Variants in TMEM168 observed in about 807,000 individuals in gnomAD.
TMEM168 encodes transmembrane protein 168.
TMEM168 carries 40 observed loss-of-function variants against 53.2 expected under a neutral mutation model. That is an observed-to-expected ratio of 0.75 (90% confidence interval 0.58 to 0.98). TMEM168 has a LOEUF of 0.98. TMEM168 is among the 50% of genes least tolerant of loss of function. The probability of loss-of-function intolerance (pLI) is 0.00; values close to 1 mark genes in which losing one functional copy is unlikely to be tolerated. For missense variants in TMEM168, 771 were observed against 828.8 expected, an observed-to-expected ratio of 0.93 and a Z score of 0.86; for synonymous variants, 282 against 293.0, an observed-to-expected ratio of 0.96 and a Z score of 0.38.
chr7:112,773,067 G>A lies in TMEM168; in HGVS notation c.1272-12C>T, dbSNP rs1237704094. 6.4e-7 allele frequency: 1 copy of A among 1,574,570 alleles called. No homozygotes were observed. The highest frequency in any genetic ancestry group is 1.8e-5 in the Admixed American group (1 of 55,318). ...GCTGACCATCAGGACTGAAGTAGGA[G>A]AAAAAACAAGAAGTACTCATTCTAT... On this transcript the variant is annotated splice_polypyrimidine_tract_variant and intron_variant, in intron 3 of 4. Coordinates refer to ENST00000312814, the MANE Select transcript of TMEM168 (RefSeq NM_022484.6).
chr7:112,772,559 A>AT (rs1186947895), intron 4 of TMEM168, among the ~76,000 whole-genome samples: 1 of 152,176 alleles, frequency 6.6e-6, no homozygotes, highest in Non-Finnish European at 1.5e-5. Context: ...GTCTCAAAGC[A>AT]TTTTTTTCCT....
rs537375032 is a variant in TMEM168 at position 112,790,188 on chromosome 7, C to T, written c.-157G>A. On this transcript the variant is annotated 5_prime_UTR_variant, in exon 1 of 5. Coordinates refer to ENST00000312814, the MANE Select transcript of TMEM168 (RefSeq NM_022484.6). Reference sequence around the variant, plus strand: ...ACTCGGCCGTCGCCACCAACGCGCTCTCCCAACCCTCGGAGTCAGTTCCAA... The same window carrying T: ...ACTCGGCCGTCGCCACCAACGCGCTTTCCCAACCCTCGGAGTCAGTTCCAA... 530 of 153,130 alleles carry T rather than the reference C, an allele frequency of 3.5e-3. 2 individuals carry two copies. The highest frequency in any genetic ancestry group is 6.7e-3 in the Middle Eastern group (2 of 298). The allele number at this position is 153,130 out of a possible 1,614,324, so 9.5% of individuals were successfully genotyped here.
Position 112,763,721 on chromosome 7 carries a change from G to T in TMEM168, c.*3476C>A, listed in dbSNP as rs1216628508. On this transcript the variant is annotated 3_prime_UTR_variant, in exon 5 of 5. Transcript: ENST00000312814. ...AAATTTGAATACATATAAAAAAGCA[G>T]TACCCAAGAGTAAATATGTTTGAGC... The T allele has an allele frequency of 1.3e-5, 2 of 151,986 alleles. No homozygotes were observed. The highest frequency in any genetic ancestry group is 1.3e-4 in the Admixed American group (2 of 15,244). The allele number at this position is 151,986 out of a possible 1,614,324, so 9.4% of individuals were successfully genotyped here.
In TMEM168 at chr7:112,764,251, G is replaced by T. The variant is rs1223714011; in HGVS notation, c.*2946C>A. 1 of 151,784 alleles carries T rather than the reference G, an allele frequency of 6.6e-6. No individual in the cohort carries two copies. Among genetic ancestry groups the T allele is most frequent in the Non-Finnish European group, 1.5e-5 (1 of 67,898 alleles). 9.4% of individuals were successfully genotyped at this position (151,784 alleles called of 1,614,324 possible). Reference sequence around the variant, plus strand: ...CTAGTGGTTTTGTGGTTTTAGCAAGGTATCACATGAGGAAACAAATACTAA... The same window carrying T: ...CTAGTGGTTTTGTGGTTTTAGCAAGTTATCACATGAGGAAACAAATACTAA... On this transcript the variant is annotated 3_prime_UTR_variant, in exon 5 of 5. Transcript: ENST00000312814.
At chr7:112,788,976 A>G (rs1042450834) in intron 1 of TMEM168, among the ~76,000 whole-genome samples, 1 of 152,134 alleles carries the variant, frequency 6.6e-6, no homozygotes, top group Non-Finnish European at 1.5e-5. Flanking sequence ...CCTTAGCAAT[A>G]AAGTCAAAAC....
intron 2 of TMEM168, among the ~76,000 whole-genome samples, chr7:112,783,433 C>T (rs1793283001): frequency 6.6e-6 from 1 of 152,144 alleles, no homozygotes; most frequent in African/African-American, 2.4e-5. Context: ...ACTCTTTAAT[C>T]GATGAGTGTT....
intron 4 of TMEM168, among the ~76,000 whole-genome samples, chr7:112,769,232 T>C (rs1368584765): frequency 2.6e-5 from 4 of 152,218 alleles, no homozygotes; most frequent in African/African-American, 9.6e-5. Context: ...AAATAAACTT[T>C]TTTTATTAAT....
At chr7:112,789,487 G>A (rs1173815708) in intron 1 of TMEM168, among the ~76,000 whole-genome samples, 1 of 152,194 alleles carries the variant, frequency 6.6e-6, no homozygotes, top group Non-Finnish European at 1.5e-5. Flanking sequence ...AGAGAATACA[G>A]AACTTAGCTA....
rs1378741753 is a variant in TMEM168, at chr7:112,790,344, T to C, written c.-313A>G. 6.6e-6 allele frequency: 1 copy of C among 152,252 alleles called. No homozygotes were observed. The highest frequency in any genetic ancestry group is 1.5e-5 in the Non-Finnish European group (1 of 68,088). The allele number at this position is 152,252 out of a possible 1,614,324, so 9.4% of individuals were successfully genotyped here. ...CAGGCCAGTGTCGGCGTAAACTTTC[T>C]CCGTTACCGGCCCGGCCGCGACCGC... is the stretch of plus-strand genomic sequence containing the variant. On this transcript the variant is annotated 5_prime_UTR_variant, in exon 1 of 5. Transcript: ENST00000312814.
At chr7:112,774,694 C>T (rs1358618561) in intron 3 of TMEM168, among the ~76,000 whole-genome samples, 1 of 152,062 alleles carries the variant, frequency 6.6e-6, no homozygotes, top group African/African-American at 2.4e-5. Flanking sequence ...GACTCTCCTG[C>T]CTCAGCCTCC....
chr7:112,777,375 T>A (rs961522033), intron 2 of TMEM168, among the ~76,000 whole-genome samples: 5 of 152,198 alleles, frequency 3.3e-5, no homozygotes, highest in Non-Finnish European at 7.4e-5. Context: ...CCACTCCACA[T>A]TACAGTGCCA....
chr7:112,775,178 G>A lies in TMEM168; in HGVS notation c.1269C>T (p.Cys423=), dbSNP rs1204626813. 1 of 1,605,244 alleles carries A rather than the reference G, an allele frequency of 6.2e-7. No homozygotes were observed. The change falls in exon 3 of 5, where the codon TGC becomes TGT. Residue 423 remains cysteine (C), a splice_region_variant and synonymous_variant. Coordinates refer to ENST00000312814, the MANE Select transcript of TMEM168 (RefSeq NM_022484.6). ...GYAIVIPTNF[C]SPDGQPTLLP... ...CTAACTATACTAGATTACTGTACCT[G>A]CAGAAGTTGGTGGGAATCACAATAG...
rs149099126 is a variant in TMEM168 at position 112,763,109 on chromosome 7, C to T, written c.*4088G>A. On this transcript the variant is annotated 3_prime_UTR_variant, in exon 5 of 5. Coordinates refer to ENST00000312814, the MANE Select transcript of TMEM168 (RefSeq NM_022484.6). ...GATTCAATCTTAATGATATTAGAGTCATGATGGAAATGGACTCAACTCACA... is the reference window on the plus strand; with the variant it reads ...GATTCAATCTTAATGATATTAGAGTTATGATGGAAATGGACTCAACTCACA... The T allele has an allele frequency of 1.8e-3, 268 of 152,068 alleles. 2 individuals are homozygous for T. Among genetic ancestry groups the T allele is most frequent in the Middle Eastern group, 6.8e-3 (2 of 294 alleles). The allele number at this position is 152,068 out of a possible 1,614,324, so 9.4% of individuals were successfully genotyped here.
Position 112,775,320 on chromosome 7 carries a change from TA to T in TMEM168, c.1129-3del, listed in dbSNP as rs1224832551. ...GCTCAAGAAAATTCCATTTGTTGGCTAAAAGAAATCCAAAACATGTTTACAT... is the reference window on the plus strand; with the variant it reads ...GCTCAAGAAAATTCCATTTGTTGGCTAAAGAAATCCAAAACATGTTTACAT... On this transcript the variant is annotated splice_region_variant and splice_polypyrimidine_tract_variant and intron_variant, in intron 2 of 4. Transcript: ENST00000312814. 1 of 1,612,002 alleles carries T rather than the reference TA, an allele frequency of 6.2e-7. No individual in the cohort carries two copies. The highest frequency in any genetic ancestry group is 8.5e-7 in the Non-Finnish European group (1 of 1,178,980).
At position 112,772,973 on chromosome 7, in the gene TMEM168, G is replaced by A; in HGVS notation, c.1354C>T (p.Gln452Ter). The A allele has an allele frequency of 6.2e-7, 1 of 1,614,000 alleles. No individual in the cohort carries two copies. Among genetic ancestry groups the A allele is most frequent in the Non-Finnish European group, 8.5e-7 (1 of 1,179,924 alleles). ...ATCATATGATATGCAAAAAATCTTT[G>A]GATAGCATTGAGCATGCCAGTAGAC... ...LRSTGMLNAI[Q>*]RFFAYHMIET... is the part of the protein sequence containing the mutation. Residue 452 changes from glutamine (Q) to a stop codon, truncating the protein, a stop_gained, in exon 4 of 5, where the codon CAA becomes TAA. Transcript: ENST00000312814. LOFTEE classifies it high-confidence loss of function.
intron 4 of TMEM168, among the ~76,000 whole-genome samples, chr7:112,769,522 C>T (rs1456620569): frequency 6.7e-6 from 1 of 148,714 alleles, no homozygotes; most frequent in Non-Finnish European, 1.5e-5. Context: ...ATATTCTACC[C>T]TAATTCTCTT....
At position 112,765,788 on chromosome 7, in the gene TMEM168, A is replaced by AAAT. The variant is rs1178934716; in HGVS notation, c.*1406_*1408dup. 1.3e-5 allele frequency: 2 copies of AAAT among 152,582 alleles called. No individual in the cohort carries two copies. Among genetic ancestry groups the AAAT allele is most frequent in the Admixed American group, 6.5e-5 (1 of 15,274 alleles). 9.5% of individuals were successfully genotyped at this position (152,582 alleles called of 1,614,324 possible). On this transcript the variant is annotated 3_prime_UTR_variant, in exon 5 of 5. Transcript: ENST00000312814. The stretch of plus-strand genomic sequence containing the variant: ...TAGGAAAATCATATTCAAAACACAG[A>AAAT]AATAATCAGACTATAACAATGCTGC...
In TMEM168 at chr7:112,767,269, T is replaced by C; in HGVS notation, c.2022A>G (p.Lys674=). ...GAAGAAACCAACTCATTTTTAATCTTTTCAAGCACCTAAAACAAGTTTTGC... is the reference window on the plus strand; with the variant it reads ...GAAGAAACCAACTCATTTTTAATCTCTTCAAGCACCTAAAACAAGTTTTGC... The part of the protein sequence containing the change: ...WICKTCFRCL[K]RLKMSWFLPT... The change falls in exon 5 of 5, where the codon AAA becomes AAG. Residue 674 remains lysine (K), a synonymous_variant. Coordinates refer to ENST00000312814, the MANE Select transcript of TMEM168 (RefSeq NM_022484.6). The C allele has an allele frequency of 6.2e-7, 1 of 1,614,128 alleles. No individual in the cohort carries two copies. The highest frequency in any genetic ancestry group is 8.5e-7 in the Non-Finnish European group (1 of 1,179,994).
intron 1 of TMEM168, among the ~76,000 whole-genome samples, chr7:112,785,835 T>C (rs1793364255): frequency 6.6e-6 from 1 of 152,232 alleles, no homozygotes; most frequent in South Asian, 2.1e-4. Context: ...TTCTTCAAAA[T>C]TTCCTAGTAT....
Sources: gnomAD v4.1 joint callset for allele counts (sites outside exome capture counted in the v4.1 genomes callset) on GRCh38, gnomAD v4.1.1 for gene constraint, MANE v1.5 for transcripts, NCBI Gene and HGNC (gene_info 2026-07-23, HGNC 2026-07-21) for gene names.